BAZ1A: variants seen among roughly 807,000 people sequenced by gnomAD.
BAZ1A encodes the protein bromodomain adjacent to zinc finger domain protein 1A.
Under a neutral mutation model 185.2 loss-of-function variants are expected in BAZ1A, and 50 were observed. The ratio of observed to expected loss-of-function variants is 0.27; its 90% CI spans 0.22 to 0.34. The LOEUF (loss-of-function observed/expected upper bound fraction) is 0.34. Among genes scored for constraint, BAZ1A ranks in the 10% least tolerant of loss-of-function variants. The pLI, the probability that BAZ1A is intolerant of heterozygous loss-of-function variation, is 1.00. For synonymous variants in BAZ1A, 571 were observed against 615.6 expected (o/e 0.93, Z 1.07); for missense variants, 1,356 against 1,839.9 (o/e 0.74, Z 4.81).
intron 3 of BAZ1A, among the ~76,000 whole-genome samples, chr14:34,837,605 T>C (rs1261128305): frequency 2.0e-5 from 3 of 152,188 alleles, no homozygotes; most frequent in African/African-American, 7.2e-5. Context: ...TATTTCTAAT[T>C]AGTTTCCAAA....
At chr14:34,849,958 T>G (rs2042572114) in intron 3 of BAZ1A, among the ~76,000 whole-genome samples, 1 of 152,212 alleles carries the variant, frequency 6.6e-6, no homozygotes, top group South Asian at 2.1e-4. Context: ...TATTAGCTCC[T>G]TCAAACTTTG....
chr14:34,756,393 G>A (rs1430663899), intron 25 of BAZ1A, among the ~76,000 whole-genome samples: 1 of 146,294 alleles, frequency 6.8e-6, no homozygotes, highest in Non-Finnish European at 1.5e-5. Context: ...GGGATCACAG[G>A]CATGAGCCAC....
At chr14:34,829,479 T>C in intron 3 of BAZ1A, among the ~76,000 whole-genome samples, 1 of 152,128 alleles carries the variant, frequency 6.6e-6, no homozygotes, top group Admixed American at 6.6e-5. Context: ...CAATTTATAA[T>C]CTGCTCTTCA....
At chr14:34,803,176 C>G (rs113353836) in intron 6 of BAZ1A, among the ~76,000 whole-genome samples, 188 bp from the exon 7 acceptor site, 2 of 152,018 alleles carry the variant, frequency 1.3e-5, no homozygotes, top group African/African-American at 4.8e-5. Context: ...GTCAAGAGAT[C>G]GAGACCATCC....
chr14:34,845,690 G>A (rs368721869), intron 3 of BAZ1A, among the ~76,000 whole-genome samples: 3 of 151,838 alleles, frequency 2.0e-5, no homozygotes, highest in South Asian at 2.1e-4. Context: ...GAAAAACACC[G>A]TCTCTACTAA....
At chr14:34,832,215 C>CACACACACATATATATATATATATATAT in intron 3 of BAZ1A, among the ~76,000 whole-genome samples, 45 of 89,664 alleles carry the variant, frequency 5.0e-4, no homozygotes, top group African/African-American at 1.5e-3. Flanking sequence ...CACACACACA[C>CACACACACATATATATATATATATATAT]ATATATATAT....
intron 24 of BAZ1A, 107 bp from the exon 25 acceptor site, chr14:34,758,953 C>G: frequency 9.4e-7 from 1 of 1,068,522 alleles, no homozygotes; most frequent in Non-Finnish European, 1.3e-6. Context: ...AATAGACACT[C>G]CGTACACTGA....
At chr14:34,809,533 CT>C (rs1428914355) in intron 5 of BAZ1A, among the ~76,000 whole-genome samples, 1 of 152,098 alleles carries the variant, frequency 6.6e-6, no homozygotes, top group African/African-American at 2.4e-5. Flanking sequence ...ATCAAGTCTT[CT>C]TCTTTATTAG....
At position 34,773,733 on chromosome 14, in the gene BAZ1A, C is replaced by G; in HGVS notation, c.2998-7G>C. On this transcript the variant is annotated splice_polypyrimidine_tract_variant and splice_region_variant and intron_variant, in intron 19 of 26. Transcript: ENST00000360310. ...AGATATGTCGATCTGTAACCTGTAA[C>G]AAAATTCAAACTTACTAACCATGAA... The G allele has an allele frequency of 1.2e-6, 2 of 1,612,696 alleles. No individual in the cohort carries two copies. Among genetic ancestry groups the G allele is most frequent in the Non-Finnish European group, 1.7e-6 (2 of 1,179,624 alleles).
At chr14:34,856,641 T>C (rs150457495) in intron 3 of BAZ1A, among the ~76,000 whole-genome samples, 3,506 of 152,128 alleles carry the variant, frequency 0.023, 50 homozygotes, top group Non-Finnish European at 0.038. Flanking sequence ...GTGGATCACC[T>C]GAGGTCAGGA....
chr14:34,776,133 T>C lies in BAZ1A; in HGVS notation c.2619A>G (p.Gln873=). 1.2e-6 allele frequency: 2 copies of C among 1,614,172 alleles called. No individual in the cohort carries two copies. Among genetic ancestry groups the C allele is most frequent in the South Asian group, 2.2e-5 (2 of 91,088 alleles). Residue 873 remains glutamine (Q), a synonymous_variant, in exon 18 of 27, where the codon CAA becomes CAG. Coordinates refer to ENST00000360310, the MANE Select transcript of BAZ1A (RefSeq NM_013448.3). ...LMSESTSNID[Q]GPRDHSVQLP... ...GCTGCACAGAATGGTCACGTGGACC[T>C]TGGTCAATGTTGGAGGTAGATTCAG...
At chr14:34,794,277 C>T (rs1881057451) in intron 11 of BAZ1A, among the ~76,000 whole-genome samples, 1 of 152,110 alleles carries the variant, frequency 6.6e-6, no homozygotes, top group Non-Finnish European at 1.5e-5. Context: ...AATGTTTATA[C>T]AAAGTAAAAG....
chr14:34,807,610 T>G, intron 5 of BAZ1A, 72 bp from the exon 6 acceptor site: 5 of 1,006,680 alleles, frequency 5.0e-6, no homozygotes, highest in East Asian at 2.5e-5. Context: ...CCATAATCTC[T>G]GTAAATTTGT....
chr14:34,762,210 C>G lies in BAZ1A; in HGVS notation c.3790G>C (p.Gly1264Arg). The G allele has an allele frequency of 4.3e-6, 7 of 1,613,906 alleles. No individual in the cohort carries two copies. The highest frequency in any genetic ancestry group is 5.9e-6 in the Non-Finnish European group (7 of 1,179,952). ...EEEEVSLPKR[G>R]RPQVRLPVKT... Reference sequence around the variant, plus strand: ...ACTGGCAATCTAACTTGTGGTCTTCCTCGTTTGGGTAGGCTATAAATATTG... The same window carrying G: ...ACTGGCAATCTAACTTGTGGTCTTCGTCGTTTGGGTAGGCTATAAATATTG... Residue 1264 changes from glycine (G) to arginine (R), a missense_variant, in exon 24 of 27, where the codon GGA becomes CGA. By Grantham distance (125) the Gly-to-Arg change is moderately radical. Transcript: ENST00000360310.
At chr14:34,763,450 G>A (rs1243091370) in intron 23 of BAZ1A, among the ~76,000 whole-genome samples, 4 of 151,518 alleles carry the variant, frequency 2.6e-5, no homozygotes, top group Admixed American at 2.6e-4. Flanking sequence ...CGGGGGGAGG[G>A]GGATGATAAG....
Position 34,753,606 on chromosome 14 carries a change from A to C in BAZ1A, c.4573T>G (p.Phe1525Val). Residue 1525 changes from phenylalanine to valine, a missense_variant, in exon 27 of 27, where the codon TTT becomes GTT. Around this residue, in one of 7 missense-constraint regions of BAZ1A, gnomAD observed 61 missense variants for 117.9 expected, o/e 0.52. Transcript: ENST00000360310. ...EAKAGTRLQAFFHIQAQKLGL... is the reference protein window; with the variant it reads ...EAKAGTRLQAVFHIQAQKLGL... The stretch of plus-strand genomic sequence containing the variant: ...AGCTTTTGAGCCTGAATATGAAAAA[A>C]TGCTTGAAGCCTAGTTCCAGCTTTT... 1 of 1,614,114 alleles carries C rather than the reference A, an allele frequency of 6.2e-7. No homozygotes were observed. The highest frequency in any genetic ancestry group is 8.5e-7 in the Non-Finnish European group (1 of 1,179,990).
chr14:34,826,295 AAAG>A (rs781506576), intron 3 of BAZ1A, 139 bp from the exon 4 acceptor site: 4 of 786,606 alleles, frequency 5.1e-6, no homozygotes, highest in African/African-American at 3.7e-5. Context: ...ATTTAATTAA[AAAG>A]AAAATCTGTA....
intron 3 of BAZ1A, among the ~76,000 whole-genome samples, chr14:34,837,244 A>G (rs905110346): frequency 1.3e-5 from 2 of 150,024 alleles, no homozygotes; most frequent in Non-Finnish European, 3.0e-5. Context: ...AATACTAATA[A>G]GTCTCTTTTT....
rs1281654857 is a variant in BAZ1A, at chr14:34,776,371, T to C, written c.2381A>G (p.Gln794Arg). Residue 794 changes from glutamine (Q) to arginine (R), a missense_variant, in exon 18 of 27, where the codon CAA becomes CGA. By Grantham distance (43) the Gln-to-Arg change is conservative. Coordinates refer to ENST00000360310, the MANE Select transcript of BAZ1A (RefSeq NM_013448.3). ...GATATTGGTACAGGCTATGGCACTT[T>C]GGATTTTTTCTAAGAGCTCTTTCTC... ...RKEKELLEKI[Q>R]SAIACTNIFP... 9.3e-6 allele frequency: 15 copies of C among 1,614,044 alleles called. No individual in the cohort carries two copies. The Admixed American group carries it at 2.3e-4, about 25-fold the overall frequency.
Sources: gnomAD v4.1 joint callset for allele counts (sites outside exome capture counted in the v4.1 genomes callset) on GRCh38, gnomAD v4.1.1 for gene constraint, gnomAD v4.1.1 regional missense constraint, MANE v1.5 for transcripts, NCBI Gene and HGNC (gene_info 2026-07-23, HGNC 2026-07-21) for gene names.